The following LAPTM4B variants were observed in gnomAD, a reference collection of about 807,000 sequenced individuals.
The protein encoded by LAPTM4B is lysosomal-associated transmembrane protein 4B.
Under a neutral mutation model 28.5 loss-of-function variants are expected in LAPTM4B, and 26 were observed. The observed-to-expected ratio is 0.91, with a 90% CI of 0.67 to 1.27. The LOEUF (loss-of-function observed/expected upper bound fraction) is 1.27. Ranked by LOEUF, LAPTM4B falls within the 50% of genes most tolerant of loss-of-function variation. The pLI is 0.00. For synonymous variants in LAPTM4B, 109 were observed against 106.4 expected, an observed-to-expected ratio of 1.02 and a Z score of -0.15; for missense variants, 288 against 285.8, an observed-to-expected ratio of 1.01 and a Z score of -0.06.
intron 5 of LAPTM4B, among the ~76,000 whole-genome samples, chr8:97,823,509 G>A (rs926161028): frequency 5.3e-5 from 8 of 151,510 alleles, no homozygotes; most frequent in African/African-American, 1.9e-4. Context: ...CACATAGCTG[G>A]GATTACAGGC....
intron 2 of LAPTM4B, among the ~76,000 whole-genome samples, chr8:97,806,660 G>A (rs1215951185): frequency 6.6e-6 from 1 of 152,174 alleles, no homozygotes; most frequent in East Asian, 1.9e-4. Context: ...TAATTGAATT[G>A]TGGGAGCTGC....
intron 1 of LAPTM4B, among the ~76,000 whole-genome samples, chr8:97,793,885 C>T (rs894375704): frequency 6.6e-6 from 1 of 152,228 alleles, no homozygotes; most frequent in Non-Finnish European, 1.5e-5. Context: ...TAGCTCACTG[C>T]AGCCTTGAAC....
chr8:97,844,897 C>T (rs977723388), intron 6 of LAPTM4B, among the ~76,000 whole-genome samples: 12 of 152,238 alleles, frequency 7.9e-5, no homozygotes, highest in African/African-American at 1.2e-4. Context: ...CCATGATTAT[C>T]TTTTTATTTT....
intron 6 of LAPTM4B, among the ~76,000 whole-genome samples, chr8:97,844,556 C>T (rs1276819927): frequency 6.6e-6 from 1 of 152,136 alleles, no homozygotes; most frequent in Non-Finnish European, 1.5e-5. Flanking sequence ...TTCTAGATTA[C>T]GTCTCATTGT....
chr8:97,836,274 G>C (rs901053060), intron 6 of LAPTM4B, among the ~76,000 whole-genome samples: 1 of 152,106 alleles, frequency 6.6e-6, no homozygotes, highest in Admixed American at 6.5e-5. Flanking sequence ...TCCACCCCCT[G>C]GGTTCAAGGG....
chr8:97,812,206 G>GTTTTTTTTTTT (rs144651693), intron 2 of LAPTM4B, among the ~76,000 whole-genome samples: 4 of 78,352 alleles, frequency 5.1e-5, no homozygotes, highest in Admixed American at 1.6e-4. Context: ...TTAATTATTT[G>GTTTTTTTTTTT]TTTTTTTTTT....
chr8:97,844,166 A>T (rs895999588), intron 6 of LAPTM4B, among the ~76,000 whole-genome samples: 1 of 151,998 alleles, frequency 6.6e-6, no homozygotes, highest in African/African-American at 2.4e-5. Context: ...ATCATGACTC[A>T]TTGCAGCCTC....
intron 6 of LAPTM4B, among the ~76,000 whole-genome samples, chr8:97,846,158 C>A (rs945684838): frequency 3.3e-5 from 5 of 151,296 alleles, no homozygotes; most frequent in Non-Finnish European, 5.9e-5. Context: ...CCAACACAAT[C>A]ATATCTTTTA....
chr8:97,850,474 G>GTA (rs113118359), intron 6 of LAPTM4B, among the ~76,000 whole-genome samples: 1 of 146,266 alleles, frequency 6.8e-6, no homozygotes, highest in African/African-American at 2.6e-5. Context: ...GGGTGTGTGT[G>GTA]TGTGTGTGTG....
chr8:97,823,791 G>A (rs1241176372), intron 5 of LAPTM4B, among the ~76,000 whole-genome samples: 4 of 150,380 alleles, frequency 2.7e-5, no homozygotes, highest in Non-Finnish European at 5.9e-5. Context: ...GCCACCTCCC[G>A]GGTTCAAGCA....
Position 97,816,081 on chromosome 8 carries a change from A to G in LAPTM4B, c.309A>G (p.Pro103=). 1 of 1,613,438 alleles carries G rather than the reference A, an allele frequency of 6.2e-7. No individual in the cohort carries two copies. Among genetic ancestry groups the G allele is most frequent in the East Asian group, 2.2e-5 (1 of 44,842 alleles). The change falls in exon 4 of 7, where the codon CCA becomes CCG. Residue 103 remains proline, a synonymous_variant. Coordinates refer to ENST00000521545, the MANE Select transcript of LAPTM4B (RefSeq NM_018407.6). ...AGCAACGCGCAGCCTGGATCATCCCATTCTTCTGTTACCAGATCTTTGACT... is the reference window on the plus strand; with the variant it reads ...AGCAACGCGCAGCCTGGATCATCCCGTTCTTCTGTTACCAGATCTTTGACT... The part of the protein sequence containing the change: ...AYKQRAAWII[P]FFCYQIFDFA...
At chr8:97,842,430 C>T (rs1204693940) in intron 6 of LAPTM4B, among the ~76,000 whole-genome samples, 1 of 152,164 alleles carries the variant, frequency 6.6e-6, no homozygotes, top group Admixed American at 6.5e-5. Context: ...GTAGCCCCTG[C>T]TTTTGGCTTG....
intron 5 of LAPTM4B, among the ~76,000 whole-genome samples, chr8:97,822,711 T>C (rs1171329582): frequency 6.6e-6 from 1 of 152,150 alleles, no homozygotes; most frequent in African/African-American, 2.4e-5. Flanking sequence ...TAAAAAAATT[T>C]TGTGGGTACA....
chr8:97,804,116 G>C, intron 1 of LAPTM4B, among the ~76,000 whole-genome samples: 1 of 152,246 alleles, frequency 6.6e-6, no homozygotes, highest in South Asian at 2.1e-4. Flanking sequence ...CCAGTGATGC[G>C]CACCTGTAGG....
Position 97,819,295 on chromosome 8 carries a change from A to G in LAPTM4B, c.507+57A>G, listed in dbSNP as rs1301175751. 6 of 1,045,826 alleles carry G rather than the reference A, an allele frequency of 5.7e-6. No homozygotes were observed. The Admixed American group carries it at 1.4e-4, about 24-fold the overall frequency. 64.8% of individuals were successfully genotyped at this position (1,045,826 alleles called of 1,614,324 possible). Reference sequence around the variant, plus strand: ...AATATTAAGTGTATTCCTGAATACCAAATAAGTAAACAAACTTTGGTCAGT... The same window carrying G: ...AATATTAAGTGTATTCCTGAATACCGAATAAGTAAACAAACTTTGGTCAGT... On this transcript the variant is annotated intron_variant, in intron 5 of 6. Transcript: ENST00000521545.
intron 3 of LAPTM4B, 78 bp from the exon 4 acceptor site, chr8:97,815,980 A>G: frequency 7.5e-7 from 1 of 1,332,324 alleles, no homozygotes; most frequent in Admixed American, 2.6e-5. Flanking sequence ...TTTCAGATTA[A>G]TAAAATACTT....
chr8:97,794,687 G>A (rs1419524055), intron 1 of LAPTM4B, among the ~76,000 whole-genome samples: 1 of 152,096 alleles, frequency 6.6e-6, no homozygotes, highest in African/African-American at 2.4e-5. Context: ...AGGCATACCT[G>A]CCATTAATAG....
intron 1 of LAPTM4B, among the ~76,000 whole-genome samples, chr8:97,791,255 C>T (rs1816492645): frequency 3.3e-5 from 5 of 152,104 alleles, no homozygotes; most frequent in Admixed American, 1.3e-4. Context: ...ATCCTGAACT[C>T]GGCTCTGGGC....
chr8:97,812,034 G>A (rs1816836855), intron 2 of LAPTM4B, among the ~76,000 whole-genome samples: 1 of 151,814 alleles, frequency 6.6e-6, no homozygotes, highest in Non-Finnish European at 1.5e-5. Flanking sequence ...TTGAACTCCT[G>A]GGCTCAAGCG....
Sources: allele counts gnomAD v4.1 joint callset (sites outside exome capture counted in the v4.1 genomes callset), GRCh38; gene constraint gnomAD v4.1.1; transcripts MANE v1.5; gene names NCBI Gene and HGNC (gene_info 2026-07-23, HGNC 2026-07-21).